The following SERINC5 variants were observed in gnomAD, a reference collection of about 807,000 sequenced individuals.
SERINC5 encodes the protein chromosome 5 open reading frame 12.
In SERINC5, 41 loss-of-function variants were observed where a neutral mutation model predicts 63.1. That is an observed-to-expected ratio of 0.65 (90% confidence interval 0.51 to 0.84). The LOEUF (loss-of-function observed/expected upper bound fraction) is 0.84. SERINC5 is among the 40% of genes least tolerant of loss of function. SERINC5 has a pLI of 0.00. For missense variants in SERINC5, 523 were observed against 573.0 expected (o/e 0.91, Z 0.89); for synonymous variants, 222 against 215.2 (o/e 1.03, Z -0.28).
chr5:80,250,179 C>A (rs1752341975), intron 1 of SERINC5, among the ~76,000 whole-genome samples: 1 of 152,070 alleles, frequency 6.6e-6, no homozygotes, highest in African/African-American at 2.4e-5. Flanking sequence ...ATCAGATGAC[C>A]CAGTACTAAG....
At chr5:80,125,042 C>T (rs1273958864) in intron 11 of SERINC5, among the ~76,000 whole-genome samples, 3 of 152,210 alleles carry the variant, frequency 2.0e-5, no homozygotes, top group Admixed American at 6.5e-5. Flanking sequence ...TCATGTGTCA[C>T]GTGCTAGACT....
intron 1 of SERINC5, among the ~76,000 whole-genome samples, chr5:80,239,035 C>T (rs1549129): frequency 0.13 from 20,027 of 152,132 alleles, 1,450 homozygotes; most frequent in East Asian, 0.26. Context: ...AGCTGACTAG[C>T]TGTGTGGCCT....
Position 80,142,229 on chromosome 5 carries a change from G to T in SERINC5, c.*1434C>A, listed in dbSNP as rs542810097. The T allele has an allele frequency of 1.0e-6, 1 of 983,028 alleles. No individual in the cohort carries two copies. Among genetic ancestry groups the T allele is most frequent in the East Asian group, 1.2e-4 (1 of 8,416 alleles). The allele number at this position is 983,028 out of a possible 1,614,324, so 60.9% of individuals were successfully genotyped here. On this transcript the variant is annotated 3_prime_UTR_variant, in exon 12 of 12. Transcript: ENST00000507668. ...ACACTGAAAATAGGCATCATCTTGG[G>T]TAGCTGCCGAAAGTCACGTTTCTGT...
rs182606606 is a variant in SERINC5 at position 80,141,066 on chromosome 5, G to A, written c.*2597C>T. On this transcript the variant is annotated 3_prime_UTR_variant, in exon 12 of 12. Transcript: ENST00000507668. ...TAGATTCTTTAAATCCAGGAATGTT[G>A]ACTCCTCACCTGAGTATTGTATATC... 1.0e-6 allele frequency: 1 copy of A among 985,370 alleles called. No homozygotes were observed. The highest frequency in any genetic ancestry group is 1.2e-6 in the Non-Finnish European group (1 of 829,906). 61.0% of individuals were successfully genotyped at this position (985,370 alleles called of 1,614,324 possible).
chr5:80,165,655 C>T (rs1187325478), intron 7 of SERINC5, among the ~76,000 whole-genome samples: 1 of 152,134 alleles, frequency 6.6e-6, no homozygotes, highest in Non-Finnish European at 1.5e-5. Flanking sequence ...GGTTTGAGGT[C>T]ACATAGCCAG....
Position 80,202,943 on chromosome 5 carries a change from G to A in SERINC5, c.138C>T (p.Val46=), listed in dbSNP as rs919442662. ...RFMYALYFIL[V]VVLCCIMMST... is the part of the protein sequence containing the mutation. Reference sequence around the variant, plus strand: ...ACATCATGATGCAGCAGAGGACGACGACCAGAATGAAGTAGAGGGCGTACA... The same window carrying A: ...ACATCATGATGCAGCAGAGGACGACAACCAGAATGAAGTAGAGGGCGTACA... The change falls in exon 2 of 12, where the codon GTC becomes GTT. Residue 46 remains valine (V), a synonymous_variant. Transcript: ENST00000507668. 16 of 1,613,460 alleles carry A rather than the reference G, an allele frequency of 9.9e-6. No individual in the cohort carries two copies. Among genetic ancestry groups the A allele is most frequent in the Non-Finnish European group, 1.4e-5 (16 of 1,179,668 alleles).
intron 7 of SERINC5, among the ~76,000 whole-genome samples, chr5:80,165,191 A>G (rs1747208662): frequency 6.6e-6 from 1 of 152,154 alleles, no homozygotes; most frequent in African/African-American, 2.4e-5. Context: ...GAGTCAAGAT[A>G]GAGTATTTAA....
intron 1 of SERINC5, among the ~76,000 whole-genome samples, chr5:80,231,572 C>T (rs1186525575): frequency 1.3e-5 from 2 of 151,944 alleles, no homozygotes; most frequent in African/African-American, 4.8e-5. Context: ...GACCACCAGC[C>T]CCAGTAGGTC....
intron 9 of SERINC5, among the ~76,000 whole-genome samples, chr5:80,150,229 C>G (rs117516855): frequency 1.3e-5 from 2 of 151,918 alleles, no homozygotes; most frequent in East Asian, 3.9e-4. Flanking sequence ...GTGGGTGGAT[C>G]AGAAGTTAAA....
intron 7 of SERINC5, among the ~76,000 whole-genome samples, chr5:80,163,634 TTC>T (rs1373502838): frequency 6.6e-6 from 1 of 152,140 alleles, no homozygotes; most frequent in African/African-American, 2.4e-5. Context: ...TTATCTTTAA[TTC>T]TGTTTATGTA....
At chr5:80,242,512 G>A (rs1751986760) in intron 1 of SERINC5, among the ~76,000 whole-genome samples, 1 of 36 alleles carries the variant, frequency 0.028, no homozygotes, top group Non-Finnish European at 0.045. Flanking sequence ...CCAGCATTTG[G>A]GAGGCGAGGC....
chr5:80,233,893 C>T (rs1751570107), intron 1 of SERINC5, among the ~76,000 whole-genome samples: 1 of 140,902 alleles, frequency 7.1e-6, no homozygotes, highest in Admixed American at 7.7e-5. Flanking sequence ...CTCACTACAA[C>T]CTCTGCCTCC....
intron 1 of SERINC5, among the ~76,000 whole-genome samples, chr5:80,240,630 C>A (rs1751903204): frequency 6.6e-6 from 1 of 152,058 alleles, no homozygotes; most frequent in Non-Finnish European, 1.5e-5. Context: ...AAAAATTACA[C>A]TAAATGTCCA....
At chr5:80,230,447 A>C (rs1460292735) in intron 1 of SERINC5, among the ~76,000 whole-genome samples, 2 of 40,090 alleles carry the variant, frequency 5.0e-5, no homozygotes, top group Non-Finnish European at 1.5e-4. Flanking sequence ...GACTGTCACA[A>C]AAAAAAAAAA....
intron 3 of SERINC5, 54 bp downstream of exon 3, chr5:80,177,832 T>C: frequency 7.2e-7 from 1 of 1,386,756 alleles, no homozygotes; most frequent in Non-Finnish European, 9.8e-7. Context: ...CCTGGACTAC[T>C]GTCCTGAACA....
At position 80,139,827 on chromosome 5, in the gene SERINC5, A is replaced by G; in HGVS notation, c.*3836T>C. 1 of 985,386 alleles carries G rather than the reference A, an allele frequency of 1.0e-6. No individual in the cohort carries two copies. The highest frequency in any genetic ancestry group is 1.2e-6 in the Non-Finnish European group (1 of 829,942). The allele number at this position is 985,386 out of a possible 1,614,324, so 61.0% of individuals were successfully genotyped here. A position where few individuals can be genotyped will look rare whatever the true frequency, so the allele number is the denominator to read the frequency against. ...GGGTGTGTAAGGTCTTACTTAGTTC[A>G]AGGTTTGTCCCTTCTTAGTTGTAGG... is the stretch of plus-strand genomic sequence containing the variant. On this transcript the variant is annotated 3_prime_UTR_variant, in exon 12 of 12. Transcript: ENST00000507668.
chr5:80,224,261 G>C (rs1308939850), intron 1 of SERINC5, among the ~76,000 whole-genome samples: 9 of 152,090 alleles, frequency 5.9e-5, no homozygotes, highest in African/African-American at 2.2e-4. Flanking sequence ...AGGAGTTTGA[G>C]ACCACAGGAG....
At chr5:80,127,860 A>G (rs1354362495) in intron 11 of SERINC5, among the ~76,000 whole-genome samples, 5 of 152,136 alleles carry the variant, frequency 3.3e-5, no homozygotes, top group Non-Finnish European at 5.9e-5. Flanking sequence ...TTTCTCAAGG[A>G]AAAAAACAAC....
At chr5:80,225,317 C>A (rs1188152463) in intron 1 of SERINC5, among the ~76,000 whole-genome samples, 1 of 152,204 alleles carries the variant, frequency 6.6e-6, no homozygotes. Flanking sequence ...GATCAAATAA[C>A]ACAGACAAAC....
Sources: allele counts gnomAD v4.1 joint callset (sites outside exome capture counted in the v4.1 genomes callset), GRCh38; gene constraint gnomAD v4.1.1; transcripts MANE v1.5; gene names NCBI Gene and HGNC (gene_info 2026-07-23, HGNC 2026-07-21).